Variants in KCNK10 observed in about 807,000 individuals in gnomAD.
KCNK10 encodes potassium channel subfamily K member 10.
KCNK10 carries 25 observed loss-of-function variants against 47.7 expected under a neutral mutation model. That is an observed-to-expected ratio of 0.52 (90% confidence interval 0.38 to 0.73). The LOEUF (loss-of-function observed/expected upper bound fraction) is 0.73, where lower values mean the gene tolerates loss of function less well. Ranked by LOEUF, KCNK10 falls within the 30% of genes least tolerant of loss-of-function variation. KCNK10 has a pLI of 0.00. For synonymous variants in KCNK10, 303 were observed against 285.6 expected (o/e 1.06, Z -0.61); for missense variants, 563 against 714.5 (o/e 0.79, Z 2.42).
intron 1 of KCNK10, among the ~76,000 whole-genome samples, chr14:88,268,048 T>C (rs947268619): frequency 8.6e-5 from 13 of 152,046 alleles, no homozygotes; most frequent in African/African-American, 3.1e-4. Flanking sequence ...GGGGAACGCA[T>C]GTGTGAGAGA....
chr14:88,229,245 C>G (rs1595093094), intron 3 of KCNK10, among the ~76,000 whole-genome samples: 1 of 152,158 alleles, frequency 6.6e-6, no homozygotes, highest in Non-Finnish European at 1.5e-5. Flanking sequence ...CCCCCTTCCT[C>G]CAGCTTTCAG....
intron 1 of KCNK10, among the ~76,000 whole-genome samples, chr14:88,299,101 A>G (rs1888044762): frequency 6.6e-6 from 1 of 152,228 alleles, no homozygotes; most frequent in Non-Finnish European, 1.5e-5. Context: ...TCTCTCTTAC[A>G]GTCCTTATTC....
rs12898054 is a variant in KCNK10 at position 88,192,420 on chromosome 14, G to C, written c.682-10C>G. On this transcript the variant is annotated splice_polypyrimidine_tract_variant and intron_variant, in intron 4 of 6. Coordinates refer to ENST00000319231, the MANE Select transcript of KCNK10 (RefSeq NM_138317.3). ...GACTCACTTGCTTTTTCTAGGAAGAGCAAAGGAGAAAGATAGGCAAGTCAG... is the reference window on the plus strand; with the variant it reads ...GACTCACTTGCTTTTTCTAGGAAGACCAAAGGAGAAAGATAGGCAAGTCAG... The C allele has an allele frequency of 0.27, 437,197 of 1,610,100 alleles. 64,946 individuals carry two copies. Among genetic ancestry groups the C allele is most frequent in the Non-Finnish European group, 0.31 (360,275 of 1,176,978 alleles).
At position 88,188,034 on chromosome 14, in the gene KCNK10, T is replaced by C. The variant is rs1884629259; in HGVS notation, c.944A>G (p.Tyr315Cys). Residue 315 changes from tyrosine to cysteine, a missense_variant, in exon 6 of 7, where the codon TAC (tyrosine) becomes TGC (cysteine). Tyr to Cys is a radical substitution (Grantham distance 194, BLOSUM62 -2). Transcript: ENST00000319231. ...GATCATACTGAGGACAGCTGCAAAG[T>C]AGGCAAGGCCAACAAGGATCCAAAA... The part of the protein sequence containing the change: ...VWFWILVGLA[Y>C]FAAVLSMIGD... 1.2e-6 allele frequency: 2 copies of C among 1,614,148 alleles called. No homozygotes were observed. The highest frequency in any genetic ancestry group is 1.7e-6 in the Non-Finnish European group (2 of 1,180,020).
chr14:88,248,126 G>GAT (rs1188339592), intron 2 of KCNK10, among the ~76,000 whole-genome samples: 4 of 152,178 alleles, frequency 2.6e-5, no homozygotes, highest in African/African-American at 7.2e-5. Flanking sequence ...GAGAGTGTCT[G>GAT]ATATATGCCT....
chr14:88,230,919 G>A (rs140132186), intron 3 of KCNK10, among the ~76,000 whole-genome samples: 128 of 152,258 alleles, frequency 8.4e-4, no homozygotes, highest in African/African-American at 2.9e-3. Flanking sequence ...CACAATGCAC[G>A]TTAACTAGTA....
chr14:88,255,285 G>A (rs1240743374), intron 2 of KCNK10, among the ~76,000 whole-genome samples: 1 of 152,178 alleles, frequency 6.6e-6, no homozygotes, highest in African/African-American at 2.4e-5. Flanking sequence ...GGGCTCTGGA[G>A]TCTGGCTTCC....
At chr14:88,242,674 TA>T (rs1211214160) in intron 2 of KCNK10, among the ~76,000 whole-genome samples, 1 of 152,320 alleles carries the variant, frequency 6.6e-6, no homozygotes, top group Non-Finnish European at 1.5e-5. Context: ...AGTGGTCACA[TA>T]ATCATCAGAG....
chr14:88,240,856 A>G, intron 2 of KCNK10, 36 bp from the exon 3 acceptor site: 1 of 1,341,956 alleles, frequency 7.5e-7, no homozygotes, highest in South Asian at 1.3e-5. Flanking sequence ...GACTCAGTTT[A>G]AAAGTTGTTT....
chr14:88,182,073 C>T lies in KCNK10; in HGVS notation c.*3462G>A. The T allele has an allele frequency of 1.3e-5, 2 of 153,058 alleles. No individual in the cohort carries two copies. The highest frequency in any genetic ancestry group is 2.9e-5 in the Non-Finnish European group (2 of 70,050). 9.5% of individuals were successfully genotyped at this position (153,058 alleles called of 1,614,324 possible). A position where few individuals can be genotyped will look rare whatever the true frequency, so the allele number is the denominator to read the frequency against. ...ACACACACACACACACACACACACA[C>T]ACACACACACACTCTATACAGCCCT... On this transcript the variant is annotated 3_prime_UTR_variant, in exon 7 of 7. Transcript: ENST00000319231.
chr14:88,313,205 A>G (rs1272732937), intron 1 of KCNK10, among the ~76,000 whole-genome samples: 1 of 152,240 alleles, frequency 6.6e-6, no homozygotes, highest in Non-Finnish European at 1.5e-5. Context: ...TATGAATAGG[A>G]TTATATGAGA....
intron 2 of KCNK10, among the ~76,000 whole-genome samples, chr14:88,252,321 C>T (rs564917477): frequency 1.3e-5 from 2 of 152,266 alleles, no homozygotes; most frequent in South Asian, 4.1e-4. Flanking sequence ...AGGCAGGGAC[C>T]ATGTCTGTCT....
At chr14:88,326,827 T>G, upstream of KCNK10, 1 of 252,008 alleles carries the variant, frequency 4.0e-6, no homozygotes, top group Non-Finnish European at 7.6e-6. Flanking sequence ...CAACGAAGTT[T>G]CCCCGAGTTG....
In KCNK10 at chr14:88,279,315, G is replaced by A. The variant is rs192431478; in HGVS notation, c.53-15764C>T. On this transcript the variant is annotated intron_variant, in intron 1 of 6. Transcript: ENST00000319231. Reference sequence around the variant, plus strand: ...GCTAAACCTAGAAATAGACTGCATCGCATGGTAGCTTCTACATGGTAGTTT... The same window carrying A: ...GCTAAACCTAGAAATAGACTGCATCACATGGTAGCTTCTACATGGTAGTTT... Among the ~76,000 whole-genome samples the A allele has an allele frequency of 5.9e-5, 9 of 151,384 alleles. No homozygotes were observed. In the South Asian group the frequency reaches 6.3e-4, roughly 11 times the overall value.
chr14:88,203,423 C>G (rs1370139367), intron 4 of KCNK10, among the ~76,000 whole-genome samples: 3 of 152,182 alleles, frequency 2.0e-5, no homozygotes, highest in Admixed American at 1.3e-4. Flanking sequence ...TCCTGGAGGT[C>G]AGGGCAAGCT....
Position 88,254,079 on chromosome 14 carries a change from A to C in KCNK10, c.402+9123T>G, listed in dbSNP as rs1450616290. ...TCCAGGCAGTTCCAGACCTAGCCCC[A>C]GCCATGCAGATGAAGGCCCCGGGAC... On this transcript the variant is annotated intron_variant, in intron 2 of 6. Transcript: ENST00000319231. Among the ~76,000 whole-genome samples the C allele has an allele frequency of 3.3e-5, 5 of 152,162 alleles. No homozygotes were observed. In the East Asian group the frequency reaches 9.6e-4, roughly 29 times the overall value.
At chr14:88,270,997 C>T (rs1887394036) in intron 1 of KCNK10, 3 of 604,506 alleles carry the variant, frequency 5.0e-6, no homozygotes, top group Non-Finnish European at 8.9e-6. Context: ...ACCTTTGCCC[C>T]AGCCAAACCC....
At chr14:88,234,813 G>A (rs574578486) in intron 3 of KCNK10, among the ~76,000 whole-genome samples, 8 of 152,264 alleles carry the variant, frequency 5.3e-5, no homozygotes, top group Admixed American at 5.2e-4. Flanking sequence ...CAGCAGAGCT[G>A]GAAGAAGGAT....
intron 1 of KCNK10, among the ~76,000 whole-genome samples, chr14:88,274,317 CA>C (rs1250698680): frequency 1.3e-5 from 2 of 151,862 alleles, no homozygotes; most frequent in African/African-American, 4.8e-5. Context: ...CAGTAGAAAG[CA>C]AAACTGAAAA....
Sources: allele counts gnomAD v4.1 joint callset (sites outside exome capture counted in the v4.1 genomes callset), GRCh38; gene constraint gnomAD v4.1.1; transcripts MANE v1.5; gene names NCBI Gene and HGNC (gene_info 2026-07-23, HGNC 2026-07-21).